ZNF385C: variants seen among roughly 807,000 people sequenced by gnomAD.
ZNF385C encodes CTD-2132N18.2.
Under a neutral mutation model 35.4 loss-of-function variants are expected in ZNF385C, and 28 were observed. The observed-to-expected ratio is 0.79, with a 90% confidence interval of 0.59 to 1.08. The LOEUF is 1.08. ZNF385C is among the 50% of genes least tolerant of loss of function. ZNF385C has a pLI of 0.00. For synonymous variants in ZNF385C, 248 were observed against 248.2 expected (o/e 1.00, Z 0.01); for missense variants, 605 against 595.6 (o/e 1.02, Z -0.16).
rs894989618 is a variant in ZNF385C, at chr17:42,050,883, C to T, written c.250+11924G>A. ...CGGTCCGCGCATGTATCCGGGGTTC[C>T]TCGAGGGGCTCACAGCCTAAGCCAC... On this transcript the variant is annotated intron_variant, in intron 2 of 8. Transcript: ENST00000692273. This position sits in a 1 kb window ranked among gnomAD's most constrained non-coding sequence, Gnocchi z 5.6. 2.0e-5 allele frequency among the ~76,000 whole-genome samples: 3 copies of T among 152,094 alleles called. No individual in the cohort carries two copies. Among genetic ancestry groups the T allele is most frequent in the Non-Finnish European group, 4.4e-5 (3 of 67,978 alleles).
chr17:42,029,454 C>T (rs2052677293), intron 5 of ZNF385C, among the ~76,000 whole-genome samples: 1 of 152,226 alleles, frequency 6.6e-6, no homozygotes, highest in Non-Finnish European at 1.5e-5. Flanking sequence ...TACGGTGGCT[C>T]ATGTCTGTAA....
chr17:42,056,189 T>C (rs782555618), intron 2 of ZNF385C, among the ~76,000 whole-genome samples: 1 of 152,230 alleles, frequency 6.6e-6, no homozygotes, highest in Non-Finnish European at 1.5e-5. Context: ...ACTGGGTTCT[T>C]TCTACCAAGA....
intron 4 of ZNF385C, 93 bp from the exon 5 acceptor site, chr17:42,031,877 G>A (rs2052738154): frequency 7.0e-7 from 1 of 1,420,928 alleles, no homozygotes; most frequent in Non-Finnish European, 9.5e-7. Context: ...AGGTCAAAGG[G>A]AGGCAGGGCT....
intron 1 of ZNF385C, among the ~76,000 whole-genome samples, chr17:42,094,068 C>T (rs1555660790): frequency 2.0e-5 from 3 of 151,750 alleles, no homozygotes; most frequent in Non-Finnish European, 2.9e-5. Context: ...TCTGCAACCT[C>T]TGCCTCCCAG....
chr17:42,053,926 G>C lies in ZNF385C; in HGVS notation c.250+8881C>G, dbSNP rs1033014506. On this transcript the variant is annotated intron_variant, in intron 2 of 8. Coordinates refer to ENST00000692273, the MANE Select transcript of ZNF385C (RefSeq NM_001392013.1). ...ACCCAGCCAGAGTGACAGAGGGAAG[G>C]GGGGGATGTGAGGGACAGGAGGGGA... Among the ~76,000 whole-genome samples the C allele has an allele frequency of 2.6e-5, 4 of 152,308 alleles. No individual in the cohort carries two copies. The South Asian group carries it at 6.2e-4, about 24-fold the overall frequency.
chr17:42,026,409 C>A lies in ZNF385C; in HGVS notation c.*488G>T, dbSNP rs1199370071. 5.7e-6 allele frequency: 1 copy of A among 174,514 alleles called. No individual in the cohort carries two copies. Among genetic ancestry groups the A allele is most frequent in the African/African-American group, 2.4e-5 (1 of 41,572 alleles). The allele number at this position is 174,514 out of a possible 1,614,324, so 10.8% of individuals were successfully genotyped here. On this transcript the variant is annotated 3_prime_UTR_variant, in exon 9 of 9. Transcript: ENST00000692273. ...GGACTTTTGGGTCCCCCTTTCTCCTCCATGGTCCTCTGTCACACTCCCATG... is the reference window on the plus strand; with the variant it reads ...GGACTTTTGGGTCCCCCTTTCTCCTACATGGTCCTCTGTCACACTCCCATG...
At chr17:42,052,138 C>T (rs967704848) in intron 2 of ZNF385C, among the ~76,000 whole-genome samples, 4 of 152,118 alleles carry the variant, frequency 2.6e-5, no homozygotes, top group Admixed American at 2.6e-4. Context: ...CTAACTGCCT[C>T]AAGAGGGTGG....
intron 1 of ZNF385C, among the ~76,000 whole-genome samples, chr17:42,094,175 G>T (rs2053893440): frequency 6.6e-6 from 1 of 152,004 alleles, no homozygotes; most frequent in Non-Finnish European, 1.5e-5. Context: ...TAGAGACGGG[G>T]GTTCACCATG....
intron 2 of ZNF385C, among the ~76,000 whole-genome samples, chr17:42,042,484 T>C (rs1457922302): frequency 1.3e-5 from 2 of 151,646 alleles, no homozygotes; most frequent in African/African-American, 4.9e-5. Flanking sequence ...ATCACGCCAC[T>C]GCTCTCCAGC....
intron 6 of ZNF385C, chr17:42,028,545 G>C: frequency 3.3e-6 from 2 of 611,848 alleles, no homozygotes; most frequent in Non-Finnish European, 5.7e-6. Context: ...CCTGTGGAGT[G>C]ACCCTTCAGA....
intron 1 of ZNF385C, among the ~76,000 whole-genome samples, chr17:42,072,629 C>G (rs1355898919): frequency 6.6e-6 from 1 of 152,018 alleles, no homozygotes. Flanking sequence ...GGTCCTGAGT[C>G]GCAGCTCCCG....
In ZNF385C at chr17:42,037,741, C is replaced by T. The variant is rs1555655618; in HGVS notation, c.395G>A (p.Ser132Asn). ...AAPLSLFPNF[S>N]TMDPVQKAVI... ...ACCCGCCAGCCCAGCCCATACCGTG[C>T]TGAAGTTGGGGAAGAGACTGAGCGG... The change falls in exon 3 of 9, where the codon AGC (serine) becomes AAC (asparagine). Residue 132 changes from serine to asparagine, a missense_variant. Transcript: ENST00000692273. 3 of 1,531,758 alleles carry T rather than the reference C, an allele frequency of 2.0e-6. No individual in the cohort carries two copies. The highest frequency in any genetic ancestry group is 1.8e-6 in the Non-Finnish European group (2 of 1,138,862). The allele number at this position is 1,531,758 out of a possible 1,614,324, so 94.9% of individuals were successfully genotyped here. A position where few individuals can be genotyped will look rare whatever the true frequency, so the allele number is the denominator to read the frequency against.
intron 2 of ZNF385C, among the ~76,000 whole-genome samples, chr17:42,056,997 A>G (rs552871017): frequency 2.6e-5 from 4 of 152,312 alleles, no homozygotes; most frequent in Non-Finnish European, 4.4e-5. Flanking sequence ...TTAGCCAGGC[A>G]TGATGGTACA....
At chr17:42,035,340 T>G (rs2052829675) in intron 3 of ZNF385C, among the ~76,000 whole-genome samples, 1 of 151,672 alleles carries the variant, frequency 6.6e-6, no homozygotes, top group African/African-American at 2.4e-5. Flanking sequence ...ATTTTTGTTT[T>G]TTGTTTTTCT....
chr17:42,041,036 C>G (rs886986088), intron 2 of ZNF385C: 6 of 1,232,200 alleles, frequency 4.9e-6, no homozygotes, highest in Non-Finnish European at 5.1e-6. Context: ...AAGGTGGTGG[C>G]GGGCTGGCCA....
intron 3 of ZNF385C, among the ~76,000 whole-genome samples, chr17:42,034,813 A>T (rs2052809535): frequency 1.3e-5 from 2 of 150,336 alleles, no homozygotes; most frequent in South Asian, 4.2e-4. Flanking sequence ...AGAAAAAGAA[A>T]AAGAAAAGGA....
Position 42,050,737 on chromosome 17 carries a change from C to T in ZNF385C, c.250+12070G>A, listed in dbSNP as rs2053265627. The stretch of plus-strand genomic sequence containing the variant: ...GGGCTCACCTGGCCGCGCCCACCTG[C>T]GGCGCCTCCCGCCCAGCGCGCTCAG... On this transcript the variant is annotated intron_variant, in intron 2 of 8. Transcript: ENST00000692273. The surrounding 1 kb of genome is among the most constrained non-coding windows in gnomAD (Gnocchi z 5.6). The T allele has an allele frequency of 6.6e-6, 1 of 150,686 alleles. No homozygotes were observed. 9.3% of individuals were successfully genotyped at this position (150,686 alleles called of 1,614,324 possible).
intron 1 of ZNF385C, among the ~76,000 whole-genome samples, chr17:42,067,865 G>A (rs1307574541): frequency 2.6e-5 from 4 of 152,190 alleles, no homozygotes; most frequent in African/African-American, 9.6e-5. Flanking sequence ...GCCAAGGAGA[G>A]CTGCCTGCCC....
At chr17:42,043,305 G>C (rs138910547) in intron 2 of ZNF385C, 20 of 1,232,140 alleles carry the variant, frequency 1.6e-5, no homozygotes, top group East Asian at 3.2e-5. Context: ...TCCAGTGCTC[G>C]TTGAAGTAAC....
Sources: allele counts gnomAD v4.1 joint callset (sites outside exome capture counted in the v4.1 genomes callset), GRCh38; gene constraint gnomAD v4.1.1; non-coding constraint Gnocchi (gnomAD v3.1); transcripts MANE v1.5; gene names NCBI Gene and HGNC (gene_info 2026-07-23, HGNC 2026-07-21).